FHOD3: variants seen among roughly 807,000 people sequenced by gnomAD.
FHOD3 encodes formin homology 2 domain containing 3, also known as FH1/FH2 domain-containing protein 3.
Under a neutral mutation model 173.0 loss-of-function variants are expected in FHOD3, and 90 were observed. That is an observed-to-expected ratio of 0.52 (90% CI 0.44 to 0.62). The LOEUF is 0.62. Ranked by LOEUF, FHOD3 falls within the 20% of genes least tolerant of loss-of-function variation. The probability of loss-of-function intolerance (pLI) is 0.00; values close to 1 mark genes in which losing one functional copy is unlikely to be tolerated. For synonymous variants in FHOD3, 828 were observed against 823.0 expected, an observed-to-expected ratio of 1.01 and a Z score of -0.10; for missense variants, 1,945 against 2,034.7, an observed-to-expected ratio of 0.96 and a Z score of 0.85.
chr18:36,729,047 G>A (rs1293988778), intron 19 of FHOD3, among the ~76,000 whole-genome samples: 1 of 152,118 alleles, frequency 6.6e-6, no homozygotes, highest in African/African-American at 2.4e-5. Flanking sequence ...ACATTCTTTA[G>A]GGCCTAGCCC....
chr18:36,517,676 G>A (rs892385516), intron 5 of FHOD3, among the ~76,000 whole-genome samples: 2 of 152,206 alleles, frequency 1.3e-5, no homozygotes, highest in Admixed American at 6.5e-5. Context: ...TATTTTAAAA[G>A]CTGGATAAGA....
chr18:36,537,882 G>A (rs1016488836), intron 5 of FHOD3, among the ~76,000 whole-genome samples: 2 of 152,160 alleles, frequency 1.3e-5, no homozygotes, highest in Non-Finnish European at 2.9e-5. Flanking sequence ...CAGTAGCAGA[G>A]TCACACATTC....
At chr18:36,571,592 A>C (rs1340891043) in intron 5 of FHOD3, among the ~76,000 whole-genome samples, 1 of 152,224 alleles carries the variant, frequency 6.6e-6, no homozygotes, top group African/African-American at 2.4e-5. Flanking sequence ...AACGAATAGG[A>C]AGAATCATAC....
chr18:36,658,783 C>G (rs2036588598), intron 14 of FHOD3, among the ~76,000 whole-genome samples: 1 of 152,156 alleles, frequency 6.6e-6, no homozygotes, highest in Admixed American at 6.5e-5. Context: ...AGAAAGTTAC[C>G]CTCACATGGC....
At chr18:36,467,924 T>G (rs2053041497) in intron 3 of FHOD3, among the ~76,000 whole-genome samples, 1 of 152,158 alleles carries the variant, frequency 6.6e-6, no homozygotes, top group Non-Finnish European at 1.5e-5. Context: ...CCTCGAGAAG[T>G]GGGTCCAAAT....
intron 5 of FHOD3, among the ~76,000 whole-genome samples, chr18:36,519,362 C>T (rs554961215): frequency 3.3e-5 from 5 of 152,234 alleles, no homozygotes; most frequent in South Asian, 2.1e-4. Flanking sequence ...GGTTAGCTGC[C>T]GTCTCTCTGG....
intron 3 of FHOD3, among the ~76,000 whole-genome samples, chr18:36,463,113 G>A (rs1054717948): frequency 1.3e-5 from 2 of 151,840 alleles, no homozygotes; most frequent in Non-Finnish European, 2.9e-5. Flanking sequence ...TTAAAAGATT[G>A]ACAACTATGT....
intron 2 of FHOD3, among the ~76,000 whole-genome samples, chr18:36,358,706 T>C (rs1179534022): frequency 1.3e-5 from 2 of 152,290 alleles, no homozygotes; most frequent in East Asian, 1.9e-4. Flanking sequence ...GATAGGGTCT[T>C]TCTTTGTCAC....
At chr18:36,594,432 T>C (rs977464373) in intron 6 of FHOD3, among the ~76,000 whole-genome samples, 5 of 152,136 alleles carry the variant, frequency 3.3e-5, no homozygotes, top group South Asian at 2.1e-4. Context: ...CACAGTGTTA[T>C]AGCTGGGGTA....
intron 18 of FHOD3, among the ~76,000 whole-genome samples, chr18:36,715,869 G>A (rs1219591848): frequency 2.6e-5 from 4 of 152,216 alleles, no homozygotes; most frequent in African/African-American, 9.6e-5. Flanking sequence ...ATAAAATTGT[G>A]TGATTAACTA....
chr18:36,774,080 A>G (rs1450978433), intron 28 of FHOD3, among the ~76,000 whole-genome samples: 1 of 152,156 alleles, frequency 6.6e-6, no homozygotes, highest in Admixed American at 6.5e-5. Context: ...CCCAGAAAAC[A>G]ATTGGCAGAA....
intron 17 of FHOD3, among the ~76,000 whole-genome samples, chr18:36,698,533 T>C (rs926203143): frequency 1.3e-5 from 2 of 152,098 alleles, no homozygotes; most frequent in Admixed American, 6.5e-5. Flanking sequence ...AAGGCTGCAG[T>C]GAGCTATGGT....
intron 28 of FHOD3, among the ~76,000 whole-genome samples, chr18:36,773,192 T>G (rs2043467052): frequency 6.6e-6 from 1 of 152,192 alleles, no homozygotes; most frequent in Non-Finnish European, 1.5e-5. Flanking sequence ...GTGGTTTCAC[T>G]TTTAGACAAA....
chr18:36,392,952 G>T lies in FHOD3; in HGVS notation c.337+20208G>T, dbSNP rs571837608. Among the ~76,000 whole-genome samples the T allele has an allele frequency of 1.4e-3, 218 of 152,298 alleles. 2 individuals carry two copies. Among genetic ancestry groups the T allele is most frequent in the Non-Finnish European group, 7.2e-4 (49 of 68,024 alleles). On this transcript the variant is annotated intron_variant, in intron 3 of 28. Transcript: ENST00000590592. ...AAGTGAAGCCTGTAACTCAGCTTAG[G>T]GTTTTGGTGAGTGAAGTCCTTTGCC...
intron 11 of FHOD3, 82 bp from the exon 12 acceptor site, chr18:36,652,488 C>T: frequency 7.0e-7 from 1 of 1,435,708 alleles, no homozygotes; most frequent in South Asian, 1.4e-5. Flanking sequence ...GGCTTTTTGC[C>T]TGTCTCTCTT....
chr18:36,423,149 C>G (rs2050072579), intron 3 of FHOD3, among the ~76,000 whole-genome samples: 1 of 151,714 alleles, frequency 6.6e-6, no homozygotes. Flanking sequence ...AATCCTCATT[C>G]TGCTATGCTA....
chr18:36,741,772 TA>T (rs61214594), intron 21 of FHOD3, among the ~76,000 whole-genome samples: 56,665 of 151,014 alleles, frequency 0.38, 11,109 homozygotes, highest in African/African-American at 0.51. Context: ...CCTCCATCTC[TA>T]AAAAAAATAA....
At chr18:36,344,453 T>C (rs2045784841) in intron 1 of FHOD3, among the ~76,000 whole-genome samples, 1 of 152,182 alleles carries the variant, frequency 6.6e-6, no homozygotes, top group African/African-American at 2.4e-5. Context: ...TCTAGTGTCC[T>C]TAACATTGTC....
intron 4 of FHOD3, among the ~76,000 whole-genome samples, chr18:36,509,436 A>G (rs545579788): frequency 0.03 from 2,432 of 80,400 alleles, 40 homozygotes; most frequent in Non-Finnish European, 0.06. Context: ...CAAAAAAAAA[A>G]AAAAAGAAAA....
Sources: gnomAD v4.1 joint callset for allele counts (sites outside exome capture counted in the v4.1 genomes callset) on GRCh38, gnomAD v4.1.1 for gene constraint, MANE v1.5 for transcripts, NCBI Gene and HGNC (gene_info 2026-07-23, HGNC 2026-07-21) for gene names.